Variants in OPHN1 observed in about 807,000 individuals in gnomAD.
OPHN1 encodes oligophrenin-1.
OPHN1 carries 11 observed loss-of-function variants against 60.7 expected under a neutral mutation model. The observed-to-expected ratio is 0.18, with a 90% CI of 0.11 to 0.30. OPHN1 has a LOEUF of 0.30. Among genes scored for constraint, OPHN1 ranks in the 10% least tolerant of loss-of-function variants. The pLI is 1.00. For missense variants in OPHN1, 449 were observed against 611.0 expected, an observed-to-expected ratio of 0.73 and a Z score of 2.80; for synonymous variants, 226 against 222.6, an observed-to-expected ratio of 1.02 and a Z score of -0.14.
intron 2 of OPHN1, among the ~76,000 whole-genome samples, chrX:68,411,328 G>T (rs1304832927): frequency 8.9e-6 from 1 of 111,994 alleles, no homozygotes; most frequent in Non-Finnish European, 1.9e-5. Context: ...GTCGAATGGT[G>T]GTAGTTCTGT....
intron 15 of OPHN1, among the ~76,000 whole-genome samples, chrX:68,189,592 T>C (rs2077479176): frequency 9.2e-6 from 1 of 108,369 alleles, no homozygotes. Context: ...GTCCCTGAGA[T>C]AATCAGATTG....
At chrX:68,173,769 A>C (rs2225139) in intron 15 of OPHN1, among the ~76,000 whole-genome samples, 38,757 of 110,488 alleles carry the variant, frequency 0.35, 5,638 homozygotes, top group African/African-American at 0.53. Flanking sequence ...GAACTATAAC[A>C]ACACTATAAC....
At chrX:68,358,585 C>T (rs1208583586) in intron 2 of OPHN1, among the ~76,000 whole-genome samples, 1 of 111,775 alleles carries the variant, frequency 8.9e-6, no homozygotes, top group Non-Finnish European at 1.9e-5. Context: ...AAGAAATCAA[C>T]TAGAACAACA....
chrX:68,376,815 G>T (rs2078559448), intron 2 of OPHN1, among the ~76,000 whole-genome samples: 1 of 111,485 alleles, frequency 9.0e-6, no homozygotes, highest in African/African-American at 3.3e-5. Context: ...TTCCTGGAAA[G>T]ACTTAAAAGA....
At chrX:68,336,616 G>A (rs773744804) in intron 2 of OPHN1, among the ~76,000 whole-genome samples, 2 of 110,198 alleles carry the variant, frequency 1.8e-5, no homozygotes, top group Admixed American at 9.8e-5. Flanking sequence ...TCTCTTAACC[G>A]ATGTAAAAGG....
chrX:68,216,072 G>C (rs1036664839), intron 6 of OPHN1, among the ~76,000 whole-genome samples: 7 of 111,456 alleles, frequency 6.3e-5, no homozygotes, highest in African/African-American at 2.3e-4. Flanking sequence ...TAAGTAAAAA[G>C]AATGATAGTA....
intron 2 of OPHN1, among the ~76,000 whole-genome samples, chrX:68,329,638 C>T (rs555215121): frequency 8.9e-6 from 1 of 111,912 alleles, no homozygotes; most frequent in African/African-American, 3.2e-5. Flanking sequence ...CTCTTGCCAG[C>T]ATGACCACCT....
intron 2 of OPHN1, among the ~76,000 whole-genome samples, chrX:68,314,580 G>A (rs979756711): frequency 9.0e-6 from 1 of 111,241 alleles, no homozygotes; most frequent in African/African-American, 3.3e-5. Context: ...CCTGGACCAG[G>A]TGGTTTCACT....
At chrX:68,058,904 G>A (rs1207430834) in intron 21 of OPHN1, among the ~76,000 whole-genome samples, 1 of 111,922 alleles carries the variant, frequency 8.9e-6, no homozygotes, top group Non-Finnish European at 1.9e-5. Flanking sequence ...GAGTACTCTT[G>A]ATGTGCTAGG....
chrX:68,132,951 C>A (rs1342666639), intron 15 of OPHN1: 7 of 421,933 alleles, frequency 1.7e-5, no homozygotes, highest in Non-Finnish European at 3.0e-5. Flanking sequence ...CCGTGCTGCA[C>A]CCCTCTGCCC....
intron 5 of OPHN1, among the ~76,000 whole-genome samples, chrX:68,259,549 T>C (rs184113180): frequency 1.7e-3 from 194 of 111,930 alleles, no homozygotes; most frequent in Admixed American, 5.6e-3. Context: ...AAATCAGTAG[T>C]AGCAAACATT....
chrX:68,351,401 G>C (rs2078409824), intron 2 of OPHN1, among the ~76,000 whole-genome samples: 1 of 111,726 alleles, frequency 9.0e-6, no homozygotes, highest in Non-Finnish European at 1.9e-5. Flanking sequence ...CGATTTATCT[G>C]TATATGATAC....
At chrX:68,067,754 C>T (rs2076918343) in intron 20 of OPHN1, among the ~76,000 whole-genome samples, 1 of 110,381 alleles carries the variant, frequency 9.1e-6, no homozygotes, top group Non-Finnish European at 1.9e-5. Context: ...GAGTCCATGA[C>T]GAGGGTGAAA....
chrX:68,239,130 C>G (rs1331906800), intron 5 of OPHN1, among the ~76,000 whole-genome samples: 1 of 110,621 alleles, frequency 9.0e-6, no homozygotes, highest in Admixed American at 9.7e-5. Context: ...TCAGGCCGCT[C>G]AGCCGCCGAG....
At chrX:68,073,413 T>C in intron 19 of OPHN1, 114 bp from the exon 20 acceptor site, 1 of 611,258 alleles carries the variant, frequency 1.6e-6, no homozygotes, top group South Asian at 3.2e-5. Context: ...GTAACGTGAA[T>C]ACTAACATGA....
At chrX:68,282,014 T>G (rs2078021395) in intron 4 of OPHN1, among the ~76,000 whole-genome samples, 1 of 112,356 alleles carries the variant, frequency 8.9e-6, no homozygotes, top group South Asian at 3.7e-4. Flanking sequence ...TGGAAGTTGG[T>G]TGGCAATTTC....
intron 18 of OPHN1, 71 bp from the exon 19 acceptor site, chrX:68,097,100 G>A (rs2077041133): frequency 1.9e-6 from 2 of 1,027,228 alleles, no homozygotes; most frequent in South Asian, 4.6e-5. Flanking sequence ...ACTGTTTTAG[G>A]TGCTGTAGAG....
intron 15 of OPHN1, among the ~76,000 whole-genome samples, chrX:68,178,156 TGACAGA>T (rs893192815): frequency 9.0e-6 from 1 of 111,682 alleles, no homozygotes; most frequent in Admixed American, 9.5e-5. Flanking sequence ...CATGGTGAAT[TGACAGA>T]GACAGACAAA....
chrX:68,313,382 T>C lies in OPHN1; in HGVS notation c.155-14286A>G, dbSNP rs780846956. The stretch of plus-strand genomic sequence containing the variant: ...GATATCTACACTCCCATGTTTCTTA[T>C]AGCACTCTAAGTGTCCATCAACAGA... On this transcript the variant is annotated intron_variant, in intron 2 of 24. Coordinates refer to ENST00000355520, the MANE Select transcript of OPHN1 (RefSeq NM_002547.3). Among the ~76,000 whole-genome samples the C allele has an allele frequency of 2.0e-4, 22 of 112,024 alleles. No homozygotes were observed. The South Asian group carries it at 7.9e-3, about 40-fold the overall frequency.
Sources: allele counts gnomAD v4.1 joint callset (sites outside exome capture counted in the v4.1 genomes callset), GRCh38; gene constraint gnomAD v4.1.1; transcripts MANE v1.5; gene names NCBI Gene and HGNC (gene_info 2026-07-23, HGNC 2026-07-21).